SLC22A16: variants seen among roughly 807,000 people sequenced by gnomAD.
SLC22A16 encodes WUGSC:RG331P03.1.
Under a neutral mutation model 52.9 loss-of-function variants are expected in SLC22A16, and 53 were observed. The observed-to-expected ratio is 1.00, with a 90% confidence interval of 0.80 to 1.26. The LOEUF is 1.26. Ranked by LOEUF, SLC22A16 falls within the 50% of genes most tolerant of loss-of-function variation. The pLI, the probability that SLC22A16 is intolerant of heterozygous loss-of-function variation, is 0.00. For missense variants in SLC22A16, 726 were observed against 704.0 expected, an observed-to-expected ratio of 1.03 and a Z score of -0.35; for synonymous variants, 291 against 268.8, an observed-to-expected ratio of 1.08 and a Z score of -0.81.
At chr6:110,432,385 T>C (rs10484807) in intron 6 of SLC22A16, among the ~76,000 whole-genome samples, 7,393 of 152,300 alleles carry the variant, frequency 0.049, 591 homozygotes, top group African/African-American at 0.17. Flanking sequence ...ATAATATTCA[T>C]AATTGCAATG....
At chr6:110,449,981 T>C (rs137987619) in intron 2 of SLC22A16, among the ~76,000 whole-genome samples, 1 of 152,334 alleles carries the variant, frequency 6.6e-6, no homozygotes, top group Non-Finnish European at 1.5e-5. Context: ...TGCCAGGTTG[T>C]TTCATGACAC....
chr6:110,446,080 T>C (rs1775160152), intron 3 of SLC22A16, among the ~76,000 whole-genome samples: 1 of 152,146 alleles, frequency 6.6e-6, no homozygotes, highest in Non-Finnish European at 1.5e-5. Context: ...AGCCCTTTGC[T>C]TCTCTCCAGA....
In SLC22A16 at chr6:110,456,779, G is replaced by A. The variant is rs1455216499; in HGVS notation, c.292C>T (p.Leu98Phe). The A allele has an allele frequency of 2.5e-6, 4 of 1,614,136 alleles. No homozygotes were observed. Among genetic ancestry groups the A allele is most frequent in the Non-Finnish European group, 3.4e-6 (4 of 1,180,024 alleles). The stretch of plus-strand genomic sequence containing the variant: ...CTCTTATTCCTGCTACACCTTGAGA[G>A]CTCCCAGATCTCACCATTCTGCAAC... ...VQLQNGEIWE[L>F]SRCSRNKREN... Residue 98 changes from leucine (L) to phenylalanine (F), a missense_variant, in exon 2 of 8, where the codon CTC (leucine) becomes TTC (phenylalanine). Physicochemically the swap from Leu to Phe is conservative, Grantham distance 22. Transcript: ENST00000368919.
chr6:110,459,497 A>T (rs1012600232), intron 1 of SLC22A16, among the ~76,000 whole-genome samples: 2 of 152,226 alleles, frequency 1.3e-5, no homozygotes, highest in Middle Eastern at 3.2e-3. Context: ...CAATATACCT[A>T]AAGACTGCCA....
intron 1 of SLC22A16, among the ~76,000 whole-genome samples, chr6:110,461,520 C>T (rs1018817057): frequency 2.6e-5 from 4 of 152,138 alleles, no homozygotes; most frequent in African/African-American, 9.7e-5. Flanking sequence ...TCAAGCGTCA[C>T]TTACTGGACT....
intron 5 of SLC22A16, among the ~76,000 whole-genome samples, chr6:110,437,002 A>C (rs221715): frequency 0.35 from 53,152 of 151,060 alleles, 10,135 homozygotes; most frequent in African/African-American, 0.52. Context: ...CTCCATGGAC[A>C]CAAACACCCA....
At chr6:110,476,224 G>T (rs1423308150) in intron 1 of SLC22A16, 3 of 325,390 alleles carry the variant, frequency 9.2e-6, no homozygotes, top group Admixed American at 6.8e-5. Flanking sequence ...CCAGCCAGAT[G>T]CCTCCAGCAT....
chr6:110,475,783 T>C (rs1776444111), intron 1 of SLC22A16, among the ~76,000 whole-genome samples: 1 of 152,094 alleles, frequency 6.6e-6, no homozygotes, highest in African/African-American at 2.4e-5. Flanking sequence ...GCTCTGTCCA[T>C]GAGTGAACGA....
intron 6 of SLC22A16, among the ~76,000 whole-genome samples, chr6:110,431,497 A>C (rs1022227279): frequency 1.3e-5 from 2 of 152,126 alleles, no homozygotes; most frequent in Non-Finnish European, 2.9e-5. Context: ...AATATTTACC[A>C]TTGTGTTACG....
intron 1 of SLC22A16, among the ~76,000 whole-genome samples, chr6:110,468,173 G>A (rs1776136169): frequency 6.6e-6 from 1 of 152,226 alleles, no homozygotes; most frequent in Non-Finnish European, 1.5e-5. Context: ...ATGCAGGCGG[G>A]AAGTAAGTAG....
At chr6:110,476,431 C>T in intron 1 of SLC22A16, 91 bp downstream of exon 1, 1 of 1,401,474 alleles carries the variant, frequency 7.1e-7, no homozygotes, top group South Asian at 1.6e-5. Context: ...TTTCGGATCG[C>T]GAGCGCCGCG....
intron 1 of SLC22A16, among the ~76,000 whole-genome samples, chr6:110,464,090 T>G (rs908989083): frequency 3.3e-5 from 5 of 151,946 alleles, no homozygotes; most frequent in African/African-American, 1.2e-4. Context: ...AAAAATGTTT[T>G]GAAATGAATG....
rs150171668 is a variant in SLC22A16 at position 110,459,212 on chromosome 6, G to A, written c.54-2195C>T. ...TTCCCGCAATTTACTCCTAAAGGGTGGGCTAGGCTTAGTAACTTGCTTCTA... is the reference window on the plus strand; with the variant it reads ...TTCCCGCAATTTACTCCTAAAGGGTAGGCTAGGCTTAGTAACTTGCTTCTA... On this transcript the variant is annotated intron_variant, in intron 1 of 7. Transcript: ENST00000368919. 8.4e-3 allele frequency among the ~76,000 whole-genome samples: 1,285 copies of A among 152,264 alleles called. 4 individuals are homozygous for A. Among genetic ancestry groups the A allele is most frequent in the Middle Eastern group, 0.017 (5 of 294 alleles).
At chr6:110,473,729 A>C (rs1216546411) in intron 1 of SLC22A16, among the ~76,000 whole-genome samples, 5 of 121,676 alleles carry the variant, frequency 4.1e-5, no homozygotes, top group African/African-American at 1.7e-4. Context: ...GTTTCACTAC[A>C]TTAGCCAGGA....
At position 110,452,534 on chromosome 6, in the gene SLC22A16, T is replaced by C. The variant is rs192548446; in HGVS notation, c.533+4004A>G. On this transcript the variant is annotated intron_variant, in intron 2 of 7. Transcript: ENST00000368919. The stretch of plus-strand genomic sequence containing the variant: ...TTCCTAATCTCAAAGGAAAAGCTTT[T>C]AACATTTCACAGTTAAGAGCTGGGT... 3.1e-3 allele frequency among the ~76,000 whole-genome samples: 467 copies of C among 152,284 alleles called. 3 individuals are homozygous for C. Among genetic ancestry groups the C allele is most frequent in the African/African-American group, 0.011 (441 of 41,560 alleles).
At chr6:110,457,150 A>T in intron 1 of SLC22A16, 133 bp from the exon 2 acceptor site, 1 of 881,430 alleles carries the variant, frequency 1.1e-6, no homozygotes, top group Non-Finnish European at 1.7e-6. Flanking sequence ...AATTATAGAC[A>T]TATTTATATC....
chr6:110,436,533 G>A (rs988135034), intron 5 of SLC22A16, among the ~76,000 whole-genome samples: 1 of 152,124 alleles, frequency 6.6e-6, no homozygotes, highest in Non-Finnish European at 1.5e-5. Flanking sequence ...AGCTAAGGCA[G>A]GAGGATCATT....
Position 110,431,242 on chromosome 6 carries a change from C to A in SLC22A16, c.1450G>T (p.Val484Leu), listed in dbSNP as rs763771988. 1.1e-5 allele frequency: 17 copies of A among 1,613,122 alleles called. No individual in the cohort carries two copies. In the South Asian group the frequency reaches 1.9e-4, roughly 18 times the overall value. Residue 484 changes from valine (V) to leucine (L), a missense_variant, in exon 7 of 8, where the codon GTG (valine) becomes TTG (leucine). Val to Leu is a conservative substitution (Grantham distance 32). Transcript: ENST00000368919. ...RSLAVGSGSMVCRLASILAPF... is the reference protein window; with the variant it reads ...RSLAVGSGSMLCRLASILAPF... ...GCCAGGATGCTGGCCAGGCGACACA[C>A]CATGCTGCCGCTTCCCACAGCCAGC...
chr6:110,459,298 G>T (rs1348557971), intron 1 of SLC22A16, among the ~76,000 whole-genome samples: 2 of 152,160 alleles, frequency 1.3e-5, no homozygotes, highest in African/African-American at 4.8e-5. Context: ...CTAGAAACTT[G>T]CAAACACTAA....
Sources: gnomAD v4.1 joint callset for allele counts (sites outside exome capture counted in the v4.1 genomes callset) on GRCh38, gnomAD v4.1.1 for gene constraint, MANE v1.5 for transcripts, NCBI Gene and HGNC (gene_info 2026-07-23, HGNC 2026-07-21) for gene names.